LAMA1: variants seen among roughly 807,000 people sequenced by gnomAD.
LAMA1 encodes the protein laminin subunit alpha-1.
Under a neutral mutation model 348.7 loss-of-function variants are expected in LAMA1, and 219 were observed. The ratio of observed to expected loss-of-function variants is 0.63; its 90% confidence interval spans 0.56 to 0.70. The LOEUF is 0.70. Ranked by LOEUF, LAMA1 falls within the 30% of genes least tolerant of loss-of-function variation. The probability of loss-of-function intolerance (pLI) is 0.00; values close to 1 mark genes in which losing one functional copy is unlikely to be tolerated. For missense variants in LAMA1, 3,744 were observed against 3,888.0 expected (o/e 0.96, Z 0.99); for synonymous variants, 1,487 against 1,491.0 (o/e 1.00, Z 0.06).
At chr18:6,959,070 C>T (rs527743375) in intron 54 of LAMA1, among the ~76,000 whole-genome samples, 1 of 152,170 alleles carries the variant, frequency 6.6e-6, no homozygotes, top group Admixed American at 6.5e-5. Context: ...CTACTATTTG[C>T]CACAGAATCA....
intron 17 of LAMA1, among the ~76,000 whole-genome samples, 155 bp from the exon 18 acceptor site, chr18:7,024,621 C>T (rs947861327): frequency 2.0e-5 from 3 of 152,218 alleles, no homozygotes; most frequent in African/African-American, 7.2e-5. Context: ...CCAGCCCACC[C>T]TGTGAGTCTC....
At chr18:6,973,364 G>A (rs887460230) in intron 46 of LAMA1, among the ~76,000 whole-genome samples, 157 bp from the exon 47 acceptor site, 1 of 152,028 alleles carries the variant, frequency 6.6e-6, no homozygotes, top group African/African-American at 2.4e-5. Flanking sequence ...CCTACTGCCC[G>A]AAATCTTCAA....
At chr18:6,955,808 G>A in intron 56 of LAMA1, 1 of 389,200 alleles carries the variant, frequency 2.6e-6, no homozygotes, top group Non-Finnish European at 4.9e-6. Context: ...GAGGTTTTGG[G>A]AATGGCCCTA....
At chr18:7,039,570 G>A (rs1366473767) in intron 10 of LAMA1, among the ~76,000 whole-genome samples, 1 of 152,148 alleles carries the variant, frequency 6.6e-6, no homozygotes, top group African/African-American at 2.4e-5. Context: ...GAATACCATA[G>A]AATTAAGCTA....
rs12968948 is a variant in LAMA1 at position 6,953,071 on chromosome 18, G to A, written c.8208-2100C>T. On this transcript the variant is annotated intron_variant, in intron 57 of 62. Transcript: ENST00000389658. ...CCTGTGTCCGGCGGATCCACGCCAT[G>A]GGAGCCATGTCTGCCTGTGTCCAGT... Among the ~76,000 whole-genome samples the A allele has an allele frequency of 5.8e-5, 8 of 138,438 alleles. 1 individual carries two copies. The highest frequency in any genetic ancestry group is 2.5e-4 in the South Asian group (1 of 4,050). The allele number at this position is 138,438 out of a possible 152,430, so 90.8% of individuals were successfully genotyped here.
At chr18:7,102,808 G>A (rs1304040195) in intron 1 of LAMA1, among the ~76,000 whole-genome samples, 1 of 152,148 alleles carries the variant, frequency 6.6e-6, no homozygotes, top group Admixed American at 6.6e-5. Context: ...ATGAATTTCT[G>A]GCTAGAGATC....
chr18:6,986,123 CAAGT>C lies in LAMA1; in HGVS notation c.5379+10_5379+13del, dbSNP rs2057734033. ...CCTGTTCTAATTGAGAAGGAGAGAG[CAAGT>C]GAGACTCACACTGAATTCTCTCAGA... On this transcript the variant is annotated intron_variant, in intron 37 of 62. Coordinates refer to ENST00000389658, the MANE Select transcript of LAMA1 (RefSeq NM_005559.4). 5 of 1,613,614 alleles carry C rather than the reference CAAGT, an allele frequency of 3.1e-6. No individual in the cohort carries two copies. Among genetic ancestry groups the C allele is most frequent in the Non-Finnish European group, 4.2e-6 (5 of 1,179,562 alleles).
intron 6 of LAMA1, 54 bp downstream of exon 6, chr18:7,046,224 T>C (rs948685334): frequency 1.3e-5 from 15 of 1,122,872 alleles, no homozygotes; most frequent in Middle Eastern, 2.0e-4. Context: ...GCAAATATTA[T>C]AGCTACAATT....
chr18:6,975,819 T>C (rs1048061808), intron 45 of LAMA1, 118 bp downstream of exon 45: 29 of 1,187,684 alleles, frequency 2.4e-5, no homozygotes, highest in African/African-American at 1.4e-4. Context: ...TTAGTCCCTA[T>C]GGGAGATTTA....
chr18:6,986,414 G>C (rs2057735806), intron 36 of LAMA1, 67 bp from the exon 37 acceptor site: 1 of 1,489,138 alleles, frequency 6.7e-7, no homozygotes, highest in South Asian at 1.1e-5. Flanking sequence ...TGAAATAATA[G>C]TGGAAAAAAT....
At chr18:7,035,901 A>C in intron 13 of LAMA1, 86 bp downstream of exon 13, 2 of 1,119,904 alleles carry the variant, frequency 1.8e-6, no homozygotes, top group Non-Finnish European at 2.7e-6. Flanking sequence ...CCTTGCTGGG[A>C]TGTCCTCACC....
At chr18:6,999,353 T>C (rs1333277428) in intron 32 of LAMA1, 92 bp downstream of exon 32, 2 of 1,242,820 alleles carry the variant, frequency 1.6e-6, no homozygotes, top group East Asian at 2.4e-5. Context: ...ATGTTTTTAT[T>C]CTGCAGACAC....
At chr18:6,991,419 C>G (rs2057758266) in intron 36 of LAMA1, among the ~76,000 whole-genome samples, 1 of 120,342 alleles carries the variant, frequency 8.3e-6, no homozygotes, top group Admixed American at 1.1e-4. Context: ...GAGACGGAGT[C>G]TTGCTCTGTC....
rs755383215 is a variant in LAMA1 at position 6,974,864 on chromosome 18, TAA to T, written c.6623+37_6623+38del. On this transcript the variant is annotated intron_variant, in intron 46 of 62. Coordinates refer to ENST00000389658, the MANE Select transcript of LAMA1 (RefSeq NM_005559.4). The stretch of plus-strand genomic sequence containing the variant: ...ATGTAATTACTTATGAGACACACTT[TAA>T]AAAAGAGAGCTGCTTTGAGAGAACA... The T allele has an allele frequency of 3.7e-6, 6 of 1,613,044 alleles. No homozygotes were observed. The East Asian group carries it at 1.3e-4, about 36-fold the overall frequency.
Position 7,043,291 on chromosome 18 carries a change from C to A in LAMA1, c.1091G>T (p.Cys364Phe). 1.2e-6 allele frequency: 2 copies of A among 1,614,112 alleles called. No homozygotes were observed. The highest frequency in any genetic ancestry group is 1.7e-6 in the Non-Finnish European group (2 of 1,180,016). Reference protein sequence around the residue: ...QFRGGGVCINCLQNTMGINCE... With the variant: ...QFRGGGVCINFLQNTMGINCE... ...GTTGATTCCCATGGTGTTCTGCAAG[C>A]AATTTATGCAAACCCCTCCTCCTCT... The change falls in exon 8 of 63, where the codon TGC becomes TTC. Residue 364 changes from cysteine to phenylalanine, a missense_variant. By Grantham distance (205) the Cys-to-Phe change is radical. This residue lies in a region of LAMA1 where 1,529 missense variants were observed against 1,689.4 expected (regional missense o/e 0.91). Transcript: ENST00000389658.
chr18:7,106,324 T>C (rs759354347), intron 1 of LAMA1, among the ~76,000 whole-genome samples: 5 of 151,934 alleles, frequency 3.3e-5, no homozygotes, highest in Non-Finnish European at 7.4e-5. Flanking sequence ...ACTGAGTGGT[T>C]CTCAACCCTG....
At chr18:7,028,295 TAGA>T (rs1281757340) in intron 16 of LAMA1, among the ~76,000 whole-genome samples, 1 of 152,188 alleles carries the variant, frequency 6.6e-6, no homozygotes, top group Non-Finnish European at 1.5e-5. Flanking sequence ...TCACAAATTC[TAGA>T]AGCTCAATAA....
At chr18:7,075,342 G>C (rs956827997) in intron 3 of LAMA1, among the ~76,000 whole-genome samples, 1 of 152,194 alleles carries the variant, frequency 6.6e-6, no homozygotes, top group African/African-American at 2.4e-5. Flanking sequence ...AAAGCACAAG[G>C]TCAGGCGCGG....
At chr18:6,982,443 G>C in intron 41 of LAMA1, 54 bp downstream of exon 41, 1 of 1,433,534 alleles carries the variant, frequency 7.0e-7, no homozygotes, top group Non-Finnish European at 9.9e-7. Context: ...AGGCTGCTCA[G>C]CGAGACGCTC....
Sources: gnomAD v4.1 joint callset for allele counts (sites outside exome capture counted in the v4.1 genomes callset) on GRCh38, gnomAD v4.1.1 for gene constraint, gnomAD v4.1.1 regional missense constraint, MANE v1.5 for transcripts, NCBI Gene and HGNC (gene_info 2026-07-23, HGNC 2026-07-21) for gene names.